The following ADCY8 variants were observed in gnomAD, a reference collection of about 807,000 sequenced individuals.
ADCY8 encodes adenylate cyclase 8, also known as adenylate cyclase type 8.
ADCY8 carries 51 observed loss-of-function variants against 119.7 expected under a neutral mutation model. The observed-to-expected ratio is 0.43, with a 90% confidence interval of 0.34 to 0.54. The LOEUF is 0.54. ADCY8 is among the 20% of genes least tolerant of loss of function. The pLI is 0.03. For missense variants in ADCY8, 1,383 were observed against 1,598.8 expected, an observed-to-expected ratio of 0.87 and a Z score of 2.30; for synonymous variants, 665 against 651.0, an observed-to-expected ratio of 1.02 and a Z score of -0.33.
intron 4 of ADCY8, among the ~76,000 whole-genome samples, chr8:130,942,851 C>G (rs567788481): frequency 6.6e-5 from 10 of 152,194 alleles, no homozygotes; most frequent in Non-Finnish European, 1.2e-4. Context: ...ATCAAGACAG[C>G]TGGAAAATGA....
chr8:130,796,542 A>G (rs1183562372), intron 15 of ADCY8, among the ~76,000 whole-genome samples: 1 of 152,106 alleles, frequency 6.6e-6, no homozygotes, highest in African/African-American at 2.4e-5. Context: ...ATTAAAGTGA[A>G]CAGCAGGGGT....
At chr8:130,890,819 G>A (rs1819160331) in intron 7 of ADCY8, among the ~76,000 whole-genome samples, 1 of 152,184 alleles carries the variant, frequency 6.6e-6, no homozygotes, top group African/African-American at 2.4e-5. Flanking sequence ...TGTGGAAGGA[G>A]GTTAAGGTCA....
chr8:131,035,038 C>A (rs1824107262), intron 1 of ADCY8, among the ~76,000 whole-genome samples: 1 of 152,148 alleles, frequency 6.6e-6, no homozygotes, highest in African/African-American at 2.4e-5. Flanking sequence ...ATAATCTTAT[C>A]ATCAATCCTT....
chr8:130,977,244 G>A (rs560373447), intron 2 of ADCY8, among the ~76,000 whole-genome samples: 1 of 152,308 alleles, frequency 6.6e-6, no homozygotes, highest in East Asian at 1.9e-4. Flanking sequence ...GTAAGCTTGT[G>A]TCAATTTTCT....
chr8:130,864,422 T>G (rs1279144645), intron 9 of ADCY8, among the ~76,000 whole-genome samples: 1 of 152,196 alleles, frequency 6.6e-6, no homozygotes, highest in Admixed American at 6.5e-5. Context: ...CCATTATTAC[T>G]TTAAATATTT....
chr8:131,004,965 C>G (rs1396377343), intron 1 of ADCY8, among the ~76,000 whole-genome samples: 1 of 152,164 alleles, frequency 6.6e-6, no homozygotes, highest in Non-Finnish European at 1.5e-5. Context: ...CTGAGAGCCT[C>G]TGAGTCTATT....
At chr8:130,848,056 A>T (rs903313443) in intron 10 of ADCY8, among the ~76,000 whole-genome samples, 2 of 152,240 alleles carry the variant, frequency 1.3e-5, no homozygotes, top group Non-Finnish European at 2.9e-5. Flanking sequence ...TTTGTACAAA[A>T]AAGCCTCACA....
chr8:130,913,494 A>C (rs1407384804), intron 5 of ADCY8, among the ~76,000 whole-genome samples: 1 of 152,068 alleles, frequency 6.6e-6, no homozygotes, highest in Non-Finnish European at 1.5e-5. Context: ...GAGCAGAGGT[A>C]ATATGTGTCA....
At chr8:130,908,368 T>C (rs1392523464) in intron 6 of ADCY8, among the ~76,000 whole-genome samples, 1 of 152,132 alleles carries the variant, frequency 6.6e-6, no homozygotes, top group Non-Finnish European at 1.5e-5. Flanking sequence ...TCCTAAAGAA[T>C]GGAAAGATTT....
chr8:130,945,846 A>G (rs181172391), intron 3 of ADCY8, among the ~76,000 whole-genome samples: 7 of 152,242 alleles, frequency 4.6e-5, no homozygotes, highest in Non-Finnish European at 7.3e-5. Flanking sequence ...AGAGCCCTAC[A>G]TGTATTCACT....
chr8:130,828,510 G>T (rs1191553106), intron 12 of ADCY8, among the ~76,000 whole-genome samples: 2 of 152,112 alleles, frequency 1.3e-5, no homozygotes, highest in African/African-American at 2.4e-5. Context: ...ACTGGAAACC[G>T]CATGGTGTTT....
intron 2 of ADCY8, among the ~76,000 whole-genome samples, chr8:130,986,266 T>C (rs1432853278): frequency 1.3e-5 from 2 of 152,196 alleles, no homozygotes; most frequent in South Asian, 2.1e-4. Flanking sequence ...TGGGCACAGG[T>C]ATCTTTATTT....
rs146754657 is a variant in ADCY8 at position 130,933,429 on chromosome 8, C to A, written c.1481+3644G>T. ...TTAAGGTGCAAATATTGTTCACCAG[C>A]CATTCCTCAGAGTGAAATATTTGGC... On this transcript the variant is annotated intron_variant, in intron 5 of 17. Transcript: ENST00000286355. 1.0e-3 allele frequency among the ~76,000 whole-genome samples: 152 copies of A among 152,308 alleles called. 1 individual carries two copies. Among genetic ancestry groups the A allele is most frequent in the Non-Finnish European group, 1.7e-3 (116 of 68,026 alleles).
chr8:130,858,555 C>G (rs1220048911), intron 9 of ADCY8, among the ~76,000 whole-genome samples: 1 of 151,878 alleles, frequency 6.6e-6, no homozygotes, highest in Non-Finnish European at 1.5e-5. Context: ...AATCTTTATC[C>G]CCTGGCTGAG....
chr8:130,973,151 C>T (rs532390815), intron 2 of ADCY8, among the ~76,000 whole-genome samples: 3 of 152,160 alleles, frequency 2.0e-5, no homozygotes, highest in Non-Finnish European at 2.9e-5. Flanking sequence ...CCTGTAGGTA[C>T]GTGTGTTTTT....
intron 1 of ADCY8, among the ~76,000 whole-genome samples, chr8:131,008,962 G>A (rs1823211381): frequency 6.6e-6 from 1 of 152,180 alleles, no homozygotes; most frequent in Admixed American, 6.5e-5. Context: ...TGAGAGAGAT[G>A]ATTTAGGGTA....
At chr8:130,979,767 T>C (rs1382814496) in intron 2 of ADCY8, among the ~76,000 whole-genome samples, 1 of 152,182 alleles carries the variant, frequency 6.6e-6, no homozygotes, top group Non-Finnish European at 1.5e-5. Flanking sequence ...AAGTAATCTA[T>C]GTGAAGTACA....
At chr8:130,923,692 G>C (rs1321711271) in intron 5 of ADCY8, among the ~76,000 whole-genome samples, 1 of 152,108 alleles carries the variant, frequency 6.6e-6, no homozygotes, top group Admixed American at 6.5e-5. Flanking sequence ...AAGCCACCTG[G>C]AGCCACTTTT....
chr8:130,911,218 G>A lies in ADCY8; in HGVS notation c.1482-1352C>T, dbSNP rs1819970720. Among the ~76,000 whole-genome samples the A allele has an allele frequency of 1.3e-5, 2 of 152,166 alleles. 1 individual carries two copies. The highest frequency in any genetic ancestry group is 4.1e-4 in the South Asian group (2 of 4,824). On this transcript the variant is annotated intron_variant, in intron 5 of 17. Coordinates refer to ENST00000286355, the MANE Select transcript of ADCY8 (RefSeq NM_001115.3). ...ATTGATGCTCTGAAGAAAGCATTTT[G>A]AGAATGGAAGTTTGGAAATGTTTCC...
Sources: gnomAD v4.1 joint callset for allele counts (sites outside exome capture counted in the v4.1 genomes callset) on GRCh38, gnomAD v4.1.1 for gene constraint, MANE v1.5 for transcripts, NCBI Gene and HGNC (gene_info 2026-07-23, HGNC 2026-07-21) for gene names.